ZNF208: variants seen among roughly 807,000 people sequenced by gnomAD.
The protein encoded by ZNF208 is zinc finger protein 208.
ZNF208 carries 10 observed loss-of-function variants against 12.1 expected under a neutral mutation model. The observed-to-expected ratio is 0.83, with a 90% CI of 0.51 to 1.40. The LOEUF is 1.40. Ranked by LOEUF, ZNF208 falls within the 40% of genes most tolerant of loss-of-function variation. ZNF208 has a pLI of 0.00. For synonymous variants in ZNF208, 497 were observed against 488.4 expected (o/e 1.02, Z -0.23); for missense variants, 1,652 against 1,485.0 (o/e 1.11, Z -1.85).
At chr19:21,964,291 TTAAA>T (rs1435309522), downstream of ZNF208, among the ~76,000 whole-genome samples, 27 of 151,784 alleles carry the variant, frequency 1.8e-4, no homozygotes, top group African/African-American at 6.3e-4. Context: ...TAAGTAAACT[TTAAA>T]TATCATGAAC....
chr19:21,988,220 A>G lies in ZNF208; in HGVS notation c.130+563T>C, dbSNP rs141599544. 3.5e-4 allele frequency among the ~76,000 whole-genome samples: 53 copies of G among 152,200 alleles called. No individual in the cohort carries two copies. The East Asian group carries it at 9.7e-3, about 28-fold the overall frequency. ...GAAACATCTTGAATTTTTTTTCTAT[A>G]TGGAAAAACTCCTATGATTTTCTTG... On this transcript the variant is annotated intron_variant, in intron 2 of 3. Coordinates refer to ENST00000397126, the MANE Select transcript of ZNF208 (RefSeq NM_007153.3).
At chr19:22,004,314 G>A (rs1425711454) in intron 1 of ZNF208, among the ~76,000 whole-genome samples, 1 of 152,048 alleles carries the variant, frequency 6.6e-6, no homozygotes, top group African/African-American at 2.4e-5. Flanking sequence ...TAAGGAGTTC[G>A]AGACTAGCCT....
chr19:21,967,298 G>C lies in ZNF208; in HGVS notation c.*3893C>G, dbSNP rs1450677355. The C allele has an allele frequency of 6.6e-6, 1 of 151,768 alleles. No individual in the cohort carries two copies. The highest frequency in any genetic ancestry group is 1.5e-5 in the Non-Finnish European group (1 of 67,962). 9.4% of individuals were successfully genotyped at this position (151,768 alleles called of 1,614,324 possible). ...TTTTCCCAGTATTACTTACTAAATA[G>C]GGAGTTAATTCCCCTTTTGTTTATT... On this transcript the variant is annotated 3_prime_UTR_variant, in exon 4 of 4. Coordinates refer to ENST00000397126, the MANE Select transcript of ZNF208 (RefSeq NM_007153.3).
chr19:21,972,686 C>A lies in ZNF208; in HGVS notation c.2348G>T (p.Gly783Val). ...GATTGCAGATCGGTTAAAAGCTTTG[C>A]CACATTCTTCACATTTGTAGGGTTT... Reference protein sequence around the residue: ...VEKPYKCEECGKAFNRSAILI... With the variant: ...VEKPYKCEECVKAFNRSAILI... Residue 783 changes from glycine to valine, a missense_variant, in exon 4 of 4, where the codon GGC (glycine) becomes GTC (valine). Physicochemically the swap from Gly to Val is moderately radical, Grantham distance 109. Around this residue, in one of 3 missense-constraint regions of ZNF208, gnomAD observed 1,239 missense variants for 1,086.2 expected, o/e 1.14. Coordinates refer to ENST00000397126, the MANE Select transcript of ZNF208 (RefSeq NM_007153.3). The A allele has an allele frequency of 6.3e-7, 1 of 1,590,326 alleles. No homozygotes were observed. Among genetic ancestry groups the A allele is most frequent in the Non-Finnish European group, 8.6e-7 (1 of 1,166,436 alleles).
intron 4 of ZNF208, among the ~76,000 whole-genome samples, chr19:21,956,567 C>T (rs902374337): frequency 3.3e-5 from 5 of 152,198 alleles, no homozygotes; most frequent in African/African-American, 1.2e-4. Context: ...CTTGCTGCCA[C>T]CTTGCAGTTC....
At chr19:21,975,851 AGCTATC>A (rs1970421388) in intron 3 of ZNF208, among the ~76,000 whole-genome samples, 54 of 91,824 alleles carry the variant, frequency 5.9e-4, no homozygotes, top group African/African-American at 1.4e-3. Flanking sequence ...AAAAAAAAAA[AGCTATC>A]AAGTGAGAAT....
rs1446163849 is a variant in ZNF208 at position 21,941,818 on chromosome 19, A to G, written c.306-8581T>C. Among the ~76,000 whole-genome samples, 5 of 152,326 alleles carry G rather than the reference A, an allele frequency of 3.3e-5. No individual in the cohort carries two copies. In the East Asian group the frequency reaches 7.7e-4, roughly 23 times the overall value. On this transcript the variant is annotated intron_variant, in intron 4 of 4. Transcript: ENST00000599916. ...CATACACAGAATAGTGTATCGTGCT[A>G]AAACATTTGTTTTTTAAAAGTGGCA...
At chr19:21,959,608 G>A (rs1424728684) in intron 4 of ZNF208, among the ~76,000 whole-genome samples, 1 of 152,130 alleles carries the variant, frequency 6.6e-6, no homozygotes, top group Non-Finnish European at 1.5e-5. Context: ...TTTGAGGGGG[G>A]AAAATAAAGT....
chr19:22,005,979 TTTC>T (rs1173550073), intron 1 of ZNF208, among the ~76,000 whole-genome samples: 3 of 152,102 alleles, frequency 2.0e-5, no homozygotes, highest in African/African-American at 4.8e-5. Flanking sequence ...CTCTGCATAT[TTTC>T]TTCTTCTTCT....
rs1970698313 is a variant in ZNF208, at chr19:21,989,800, T to C, written c.4-891A>G. On this transcript the variant is annotated intron_variant, in intron 1 of 3. Transcript: ENST00000397126. The stretch of plus-strand genomic sequence containing the variant: ...CTAACTGGTGTGAGATGGTATCTCA[T>C]TGTGGTTTTGATTTGCATTACTCTG... Among the ~76,000 whole-genome samples, 6 of 152,322 alleles carry C rather than the reference T, an allele frequency of 3.9e-5. No individual in the cohort carries two copies. The South Asian group carries it at 1.0e-3, about 26-fold the overall frequency.
intron 2 of ZNF208, 81 bp downstream of exon 2, chr19:21,988,702 C>T: frequency 2.5e-6 from 4 of 1,609,402 alleles, no homozygotes; most frequent in Non-Finnish European, 3.4e-6. Flanking sequence ...CATTCATCCT[C>T]CGTTGTTCAG....
chr19:21,991,242 T>C (rs531199494), intron 1 of ZNF208, among the ~76,000 whole-genome samples: 18 of 152,166 alleles, frequency 1.2e-4, no homozygotes, highest in Non-Finnish European at 2.2e-4. Flanking sequence ...GGCTGTGAGT[T>C]TGTCATAGAT....
chr19:21,960,255 T>C (rs915895249), intron 4 of ZNF208, among the ~76,000 whole-genome samples: 1 of 152,024 alleles, frequency 6.6e-6, no homozygotes, highest in African/African-American at 2.4e-5. Flanking sequence ...ATGGCCTTGA[T>C]CCAAAAAATG....
downstream of ZNF208, among the ~76,000 whole-genome samples, chr19:21,961,654 C>A (rs780121615): frequency 8.6e-5 from 13 of 152,016 alleles, no homozygotes; most frequent in African/African-American, 2.4e-4. Flanking sequence ...ACTCCCAGAG[C>A]GGCTGTTTAT....
At position 21,948,084 on chromosome 19, in the gene ZNF208, G is replaced by A. The variant is rs115733912; in HGVS notation, c.306-14847C>T. On this transcript the variant is annotated intron_variant, in intron 4 of 4. Transcript: ENST00000599916. The stretch of plus-strand genomic sequence containing the variant: ...AGTGGTATGCCCTTTTTCTCTTTCC[G>A]CCACACCAAAAAGAGAAAGGGGACT... 7.8e-3 allele frequency among the ~76,000 whole-genome samples: 1,187 copies of A among 152,082 alleles called. 9 individuals carry two copies. Among genetic ancestry groups the A allele is most frequent in the African/African-American group, 0.027 (1,103 of 41,474 alleles).
chr19:22,007,216 A>G (rs1446220514), intron 1 of ZNF208, among the ~76,000 whole-genome samples: 4 of 152,118 alleles, frequency 2.6e-5, no homozygotes, highest in Non-Finnish European at 5.9e-5. Flanking sequence ...GAAATCACTC[A>G]GCCATAAAAA....
chr19:21,987,235 C>A lies in ZNF208; in HGVS notation c.207G>T (p.Glu69Asp), dbSNP rs1340678612. 1 of 1,612,302 alleles carries A rather than the reference C, an allele frequency of 6.2e-7. No individual in the cohort carries two copies. ...GKESWNMKRH[E>D]MVEESPVICS... ...ACCTACCTGGGGATTCTTCCACCAT[C>A]TCATGTCTCTTCATATTCCAGGACT... Residue 69 changes from glutamate (E) to aspartate (D), a missense_variant, in exon 3 of 4, where the codon GAG (glutamate) becomes GAT (aspartate). This residue lies in a region of ZNF208 where 410 missense variants were observed against 378.2 expected (regional missense o/e 1.08). Transcript: ENST00000397126.
intron 1 of ZNF208, among the ~76,000 whole-genome samples, chr19:21,990,466 A>G (rs1309443231): frequency 2.6e-4 from 40 of 151,816 alleles, no homozygotes; most frequent in Admixed American, 2.6e-3. Flanking sequence ...CTGTTTTGGT[A>G]CCAGTACCAT....
intron 2 of ZNF208, among the ~76,000 whole-genome samples, chr19:21,988,394 A>G (rs571250949): frequency 4.2e-4 from 64 of 152,264 alleles, no homozygotes; most frequent in Middle Eastern, 3.4e-3. Context: ...ATGAATGCAG[A>G]ATGTGGGCAA....
Sources: gnomAD v4.1 joint callset for allele counts (sites outside exome capture counted in the v4.1 genomes callset) on GRCh38, gnomAD v4.1.1 for gene constraint, gnomAD v4.1.1 regional missense constraint, MANE v1.5 for transcripts, NCBI Gene and HGNC (gene_info 2026-07-23, HGNC 2026-07-21) for gene names.